The following TDRD10 variants were observed in gnomAD, a reference collection of about 807,000 sequenced individuals.
TDRD10 encodes tudor domain-containing protein 10.
Under a neutral mutation model 48.0 loss-of-function variants are expected in TDRD10, and 40 were observed. The ratio of observed to expected loss-of-function variants is 0.83; its 90% CI spans 0.65 to 1.09. The LOEUF is 1.09. Ranked by LOEUF, TDRD10 falls within the 50% of genes least tolerant of loss-of-function variation. TDRD10 has a pLI of 0.00. For synonymous variants in TDRD10, 162 were observed against 170.4 expected, an observed-to-expected ratio of 0.95 and a Z score of 0.38; for missense variants, 378 against 434.7, an observed-to-expected ratio of 0.87 and a Z score of 1.16.
chr1:154,526,039 TA>T (rs771348280), intron 6 of TDRD10, among the ~76,000 whole-genome samples: 4 of 148,052 alleles, frequency 2.7e-5, no homozygotes, highest in Admixed American at 1.4e-4. Context: ...CCATCTCTAA[TA>T]AAAAAAATAC....
intron 4 of TDRD10, among the ~76,000 whole-genome samples, chr1:154,514,117 G>T (rs772103107): frequency 6.6e-6 from 1 of 152,216 alleles, no homozygotes; most frequent in Non-Finnish European, 1.5e-5. Context: ...TTGAACTGGG[G>T]AGGCGGAGGT....
chr1:154,547,673 T>C lies in TDRD10; in HGVS notation c.1024-5T>C. ...TCCCACCAAGGCTTTGTCTTTCTCT[T>C]CCAGTTGCACATCCTAAAGTTTGAA... is the stretch of plus-strand genomic sequence containing the variant. On this transcript the variant is annotated splice_region_variant and splice_polypyrimidine_tract_variant and intron_variant, in intron 12 of 12. Coordinates refer to ENST00000368482, the MANE Select transcript of TDRD10 (RefSeq NM_182499.4). The C allele has an allele frequency of 6.2e-7, 1 of 1,614,134 alleles. No homozygotes were observed. The highest frequency in any genetic ancestry group is 8.5e-7 in the Non-Finnish European group (1 of 1,179,998).
intron 2 of TDRD10, 152 bp downstream of exon 2, chr1:154,507,057 G>A (rs1693186657): frequency 1.9e-6 from 3 of 1,542,114 alleles, no homozygotes; most frequent in African/African-American, 2.8e-5. Context: ...TTAACTTTTA[G>A]TGATTTAAAA....
chr1:154,506,613 TG>T (rs1466898391), intron 1 of TDRD10, among the ~76,000 whole-genome samples: 1 of 152,176 alleles, frequency 6.6e-6, no homozygotes, highest in East Asian at 1.9e-4. Flanking sequence ...TGACCTCAGG[TG>T]ATCCACCCGC....
In TDRD10 at chr1:154,544,957, ATCT is replaced by A. The variant is rs762550870; in HGVS notation, c.952+12_952+14del. 1 of 1,613,556 alleles carries A rather than the reference ATCT, an allele frequency of 6.2e-7. No homozygotes were observed. Among genetic ancestry groups the A allele is most frequent in the Non-Finnish European group, 8.5e-7 (1 of 1,179,766 alleles). Reference sequence around the variant, plus strand: ...CATTCATGCTGGAGAAAGGTGAGACATCTTCTATCTTCCTCCCAAGGGTTTCAG... The same window carrying A: ...CATTCATGCTGGAGAAAGGTGAGACATCTATCTTCCTCCCAAGGGTTTCAG... On this transcript the variant is annotated intron_variant, in intron 11 of 12. Transcript: ENST00000368482.
At chr1:154,503,370 C>T (rs1692925378) in intron 1 of TDRD10, among the ~76,000 whole-genome samples, 1 of 152,088 alleles carries the variant, frequency 6.6e-6, no homozygotes, top group African/African-American at 2.4e-5. Context: ...GGCAGATCAC[C>T]TGAGATCAAG....
chr1:154,547,305 G>C (rs188961641), intron 11 of TDRD10, 104 bp from the exon 12 acceptor site: 2 of 1,209,678 alleles, frequency 1.7e-6, no homozygotes, highest in Non-Finnish European at 2.4e-6. Flanking sequence ...GCTGGTTGGC[G>C]GCCAGAGCAC....
chr1:154,509,107 T>TTG (rs1334740153), intron 4 of TDRD10, among the ~76,000 whole-genome samples: 1 of 151,342 alleles, frequency 6.6e-6, no homozygotes, highest in Non-Finnish European at 1.5e-5. Flanking sequence ...TTTTTTTTTT[T>TTG]TTTTTGGCAT....
At chr1:154,506,808 C>A in intron 1 of TDRD10, 69 bp from the exon 2 acceptor site, 2 of 1,352,900 alleles carry the variant, frequency 1.5e-6, no homozygotes, top group Non-Finnish European at 2.1e-6. Flanking sequence ...TACCACAGTA[C>A]CTATTCGGTG....
chr1:154,527,203 G>C (rs1173971838), intron 6 of TDRD10, among the ~76,000 whole-genome samples: 1 of 152,184 alleles, frequency 6.6e-6, no homozygotes, highest in Non-Finnish European at 1.5e-5. Context: ...GAGCCACTGC[G>C]CCTGGCCCTG....
At chr1:154,515,561 T>C (rs1387256243) in intron 4 of TDRD10, among the ~76,000 whole-genome samples, 2 of 152,220 alleles carry the variant, frequency 1.3e-5, no homozygotes, top group Non-Finnish European at 2.9e-5. Context: ...CATAGGGCCT[T>C]GCACCTATGG....
intron 6 of TDRD10, among the ~76,000 whole-genome samples, chr1:154,523,512 T>C (rs1694163488): frequency 6.6e-6 from 1 of 152,218 alleles, no homozygotes; most frequent in Non-Finnish European, 1.5e-5. Flanking sequence ...CTCCTGGCCC[T>C]GGGACCACAT....
At chr1:154,543,691 A>G (rs1317963240) in intron 8 of TDRD10, among the ~76,000 whole-genome samples, 1 of 152,006 alleles carries the variant, frequency 6.6e-6, no homozygotes, top group Admixed American at 6.5e-5. Flanking sequence ...GGAGTTTCTC[A>G]GTGTGTTTTT....
At chr1:154,543,482 C>G (rs117208840) in intron 8 of TDRD10, among the ~76,000 whole-genome samples, 1 of 152,054 alleles carries the variant, frequency 6.6e-6, no homozygotes, top group Admixed American at 6.5e-5. Context: ...TCATTAGCCC[C>G]GTGTGGTTTA....
intron 11 of TDRD10, among the ~76,000 whole-genome samples, chr1:154,545,406 C>CA (rs1695493974): frequency 6.6e-6 from 1 of 152,178 alleles, no homozygotes; most frequent in Non-Finnish European, 1.5e-5. Flanking sequence ...TAGCTTCAGA[C>CA]ACCTGTGGGT....
In TDRD10 at chr1:154,520,301, T is replaced by C; in HGVS notation, c.142-3T>C. The C allele has an allele frequency of 1.9e-6, 3 of 1,611,396 alleles. No homozygotes were observed. Among genetic ancestry groups the C allele is most frequent in the African/African-American group, 2.7e-5 (2 of 74,982 alleles). On this transcript the variant is annotated splice_region_variant and splice_polypyrimidine_tract_variant and intron_variant, in intron 4 of 12. Transcript: ENST00000368482. ...CTCTCTCTTTTAAACCCTGCTGTTG[T>C]AGGAGGAAATTCTGTACCTTCTAAA... is the stretch of plus-strand genomic sequence containing the variant.
chr1:154,541,988 C>T (rs1695263570), intron 6 of TDRD10, 36 bp from the exon 7 acceptor site: 1 of 1,610,808 alleles, frequency 6.2e-7, no homozygotes, highest in African/African-American at 1.3e-5. Flanking sequence ...ACAAATGCCA[C>T]CATGGCTGAG....
At chr1:154,519,294 T>G (rs1421164231) in intron 4 of TDRD10, among the ~76,000 whole-genome samples, 1 of 152,238 alleles carries the variant, frequency 6.6e-6, no homozygotes, top group Non-Finnish European at 1.5e-5. Flanking sequence ...AATATAAACA[T>G]GAAGACTGAG....
At position 154,544,494 on chromosome 1, in the gene TDRD10, G is replaced by A. The variant is rs1695440579; in HGVS notation, c.774G>A (p.Gly258=). 3 of 1,613,960 alleles carry A rather than the reference G, an allele frequency of 1.9e-6. No individual in the cohort carries two copies. The highest frequency in any genetic ancestry group is 2.5e-6 in the Non-Finnish European group (3 of 1,179,994). ...GCTGTCTGGCAGAGTACCACCTGGG[G>A]GATTATGGACACGCCTGGAACAGGT... ...GTRCLAEYHL[G]DYGHAWNRCW... is the part of the protein sequence containing the mutation. Residue 258 remains glycine (G), a synonymous_variant, in exon 10 of 13, where the codon GGG becomes GGA. Coordinates refer to ENST00000368482, the MANE Select transcript of TDRD10 (RefSeq NM_182499.4).
Sources: gnomAD v4.1 joint callset for allele counts (sites outside exome capture counted in the v4.1 genomes callset) on GRCh38, gnomAD v4.1.1 for gene constraint, MANE v1.5 for transcripts, NCBI Gene and HGNC (gene_info 2026-07-23, HGNC 2026-07-21) for gene names.